Variants in XRRA1 observed in about 807,000 individuals in gnomAD.
XRRA1 encodes X-ray radiation resistance associated 1, also known as X-ray radiation resistance-associated protein 1.
In XRRA1, 69 loss-of-function variants were observed where a neutral mutation model predicts 80.2. The observed-to-expected ratio is 0.86, with a 90% confidence interval of 0.71 to 1.05. XRRA1 has a LOEUF of 1.05. XRRA1 is among the 50% of genes least tolerant of loss of function. The pLI is 0.00. For missense variants in XRRA1, 967 were observed against 976.4 expected, an observed-to-expected ratio of 0.99 and a Z score of 0.13; for synonymous variants, 348 against 389.9, an observed-to-expected ratio of 0.89 and a Z score of 1.27.
intron 14 of XRRA1, among the ~76,000 whole-genome samples, chr11:74,849,024 C>T (rs1356053946): frequency 6.6e-6 from 1 of 152,182 alleles, no homozygotes; most frequent in Non-Finnish European, 1.5e-5. Flanking sequence ...AGATTCAGGA[C>T]CAAGAAAATA....
intron 14 of XRRA1, 56 bp downstream of exon 14, chr11:74,851,032 C>T: frequency 6.9e-7 from 1 of 1,441,266 alleles, no homozygotes; most frequent in Non-Finnish European, 9.5e-7. Context: ...GGTTTGCATA[C>T]ATTATAATAG....
intron 16 of XRRA1, 59 bp downstream of exon 16, chr11:74,845,014 C>T: frequency 6.4e-7 from 1 of 1,569,916 alleles, no homozygotes; most frequent in Non-Finnish European, 8.7e-7. Context: ...TTGACCCTGA[C>T]TTGCTCTGAG....
At chr11:74,879,878 T>G (rs1466162722) in intron 10 of XRRA1, among the ~76,000 whole-genome samples, 1 of 152,066 alleles carries the variant, frequency 6.6e-6, no homozygotes, top group Non-Finnish European at 1.5e-5. Context: ...AGTATTTTAT[T>G]GAGGATTTTT....
chr11:74,908,693 T>C (rs1301165213), intron 8 of XRRA1, among the ~76,000 whole-genome samples: 3 of 152,284 alleles, frequency 2.0e-5, no homozygotes, highest in South Asian at 2.1e-4. Flanking sequence ...ACGCAGCCTG[T>C]GGTGAGACAA....
chr11:74,866,790 C>G (rs1181792271), intron 10 of XRRA1, among the ~76,000 whole-genome samples: 2 of 150,770 alleles, frequency 1.3e-5, no homozygotes, highest in African/African-American at 4.9e-5. Context: ...TGAAAATATA[C>G]AGTCAGAGGA....
In XRRA1 at chr11:74,859,244, G is replaced by A; in HGVS notation, c.1084C>T (p.Leu362Phe). ...ICSLPPIFEILPVKSLKARNQ... is the reference protein window; with the variant it reads ...ICSLPPIFEIFPVKSLKARNQ... Reference sequence around the variant, plus strand: ...CTGGCCTTCAGTGACTTCACAGGAAGGATCTCGAATATGGGAGGAAGTGAA... The same window carrying A: ...CTGGCCTTCAGTGACTTCACAGGAAAGATCTCGAATATGGGAGGAAGTGAA... The change falls in exon 12 of 19, where the codon CTT becomes TTT. Residue 362 changes from leucine to phenylalanine, a missense_variant. Leu to Phe is a conservative substitution (Grantham distance 22). Transcript: ENST00000684022. 1.2e-6 allele frequency: 2 copies of A among 1,610,352 alleles called. No individual in the cohort carries two copies. Among genetic ancestry groups the A allele is most frequent in the East Asian group, 2.2e-5 (1 of 44,698 alleles).
At chr11:74,938,596 A>G (rs554092988) in intron 3 of XRRA1, among the ~76,000 whole-genome samples, 32 of 152,360 alleles carry the variant, frequency 2.1e-4, no homozygotes, top group African/African-American at 7.7e-4. Context: ...ACACTAATCT[A>G]GGTGTTGCTG....
chr11:74,946,038 C>A (rs1456982346), intron 1 of XRRA1, among the ~76,000 whole-genome samples: 1 of 152,118 alleles, frequency 6.6e-6, no homozygotes, highest in Non-Finnish European at 1.5e-5. Context: ...TCTCAGCTCA[C>A]TGCAACCTCC....
intron 10 of XRRA1, among the ~76,000 whole-genome samples, chr11:74,881,890 T>TG (rs2047705074): frequency 6.7e-6 from 1 of 149,966 alleles, no homozygotes. Flanking sequence ...GTTAGTCTGA[T>TG]GGGCTTCCCT....
intron 2 of XRRA1, among the ~76,000 whole-genome samples, chr11:74,943,954 T>C (rs1425112991): frequency 1.3e-5 from 2 of 152,016 alleles, no homozygotes; most frequent in Non-Finnish European, 2.9e-5. Context: ...CCTGAGTAGC[T>C]GGGACTATAG....
chr11:74,868,983 C>A (rs1401958374), intron 10 of XRRA1, among the ~76,000 whole-genome samples: 2 of 152,112 alleles, frequency 1.3e-5, no homozygotes, highest in Non-Finnish European at 2.9e-5. Flanking sequence ...GAACTCAATA[C>A]TTGACCATAT....
At chr11:74,884,884 G>C (rs1420099281) in intron 10 of XRRA1, among the ~76,000 whole-genome samples, 1 of 151,996 alleles carries the variant, frequency 6.6e-6, no homozygotes, top group Non-Finnish European at 1.5e-5. Context: ...AGAAACAAGA[G>C]GAAACCAACC....
rs35332853 is a variant in XRRA1 at position 74,919,573 on chromosome 11, C to T, written c.656+1641G>A. The T allele has an allele frequency of 7.3e-3, 3,419 of 466,594 alleles. 25 individuals are homozygous for T. The highest frequency in any genetic ancestry group is 0.011 in the Non-Finnish European group (2,702 of 240,296). The allele number at this position is 466,594 out of a possible 1,614,324, so 28.9% of individuals were successfully genotyped here. ...GAGAAAGCCTACCTAAGAATGAAGCCGGGACCCGGCAGAATGGCTCCTGTG... is the reference window on the plus strand; with the variant it reads ...GAGAAAGCCTACCTAAGAATGAAGCTGGGACCCGGCAGAATGGCTCCTGTG... On this transcript the variant is annotated intron_variant, in intron 8 of 18. Coordinates refer to ENST00000684022, the MANE Select transcript of XRRA1 (RefSeq NM_001378157.1).
intron 10 of XRRA1, among the ~76,000 whole-genome samples, chr11:74,879,468 C>T (rs2046929357): frequency 6.6e-6 from 1 of 152,022 alleles, no homozygotes; most frequent in Non-Finnish European, 1.5e-5. Context: ...CCTTCTCCTG[C>T]CTAATTGCCC....
intron 11 of XRRA1, among the ~76,000 whole-genome samples, chr11:74,860,620 A>G (rs1344373433): frequency 6.6e-5 from 10 of 152,210 alleles, no homozygotes; most frequent in Admixed American, 5.2e-4. Flanking sequence ...GAGCAATCCT[A>G]CAAATTATCT....
intron 10 of XRRA1, among the ~76,000 whole-genome samples, chr11:74,879,926 C>A: frequency 6.6e-6 from 1 of 151,948 alleles, no homozygotes; most frequent in Non-Finnish European, 1.5e-5. Context: ...CTAAAATTCT[C>A]TTTTTTTGCT....
rs776318329 is a variant in XRRA1, at chr11:74,927,413, T to C, written c.500A>G (p.Tyr167Cys). The change falls in exon 7 of 19, where the codon TAT becomes TGT. Residue 167 changes from tyrosine to cysteine, a missense_variant. Tyr to Cys is a radical substitution (Grantham distance 194, BLOSUM62 -2). Transcript: ENST00000684022. ...TACTTCTAATAACTTAAAGTCTCCATATTTCACGTAGATAGTTTTGATGCC... is the reference window on the plus strand; with the variant it reads ...TACTTCTAATAACTTAAAGTCTCCACATTTCACGTAGATAGTTTTGATGCC... ...FNGIKTIYVKYGDFKLLEFLD... is the reference protein window; with the variant it reads ...FNGIKTIYVKCGDFKLLEFLD... 1.2e-6 allele frequency: 2 copies of C among 1,612,608 alleles called. No individual in the cohort carries two copies. The highest frequency in any genetic ancestry group is 2.2e-5 in the East Asian group (1 of 44,884).
chr11:74,910,776 C>T (rs2055696580), intron 8 of XRRA1: 1 of 152,122 alleles, frequency 6.6e-6, no homozygotes, highest in Admixed American at 6.5e-5. Flanking sequence ...CAGACTGGGA[C>T]CAAACAGGAG....
At chr11:74,851,363 A>G (rs1250295130) in intron 13 of XRRA1, among the ~76,000 whole-genome samples, 160 bp from the exon 14 acceptor site, 1 of 152,180 alleles carries the variant, frequency 6.6e-6, no homozygotes, top group African/African-American at 2.4e-5. Flanking sequence ...GAGAATTCCT[A>G]CCTCCTACCA....
Sources: allele counts gnomAD v4.1 joint callset (sites outside exome capture counted in the v4.1 genomes callset), GRCh38; gene constraint gnomAD v4.1.1; transcripts MANE v1.5; gene names NCBI Gene and HGNC (gene_info 2026-07-23, HGNC 2026-07-21).